SLC24A2: variants seen among roughly 807,000 people sequenced by gnomAD.
SLC24A2 encodes the protein sodium/potassium/calcium exchanger 2.
SLC24A2 carries 36 observed loss-of-function variants against 62.0 expected under a neutral mutation model. The ratio of observed to expected loss-of-function variants is 0.58; its 90% CI spans 0.44 to 0.77. SLC24A2 has a LOEUF of 0.77. Ranked by LOEUF, SLC24A2 falls within the 30% of genes least tolerant of loss-of-function variation. SLC24A2 has a pLI of 0.00. For missense variants in SLC24A2, 846 were observed against 817.9 expected, an observed-to-expected ratio of 1.03 and a Z score of -0.42; for synonymous variants, 358 against 294.0, an observed-to-expected ratio of 1.22 and a Z score of -2.23.
At chr9:19,780,041 C>T (rs1451090114) in intron 2 of SLC24A2, among the ~76,000 whole-genome samples, 4 of 151,986 alleles carry the variant, frequency 2.6e-5, no homozygotes, top group Admixed American at 1.3e-4. Context: ...CCAGCCAGGG[C>T]GACAGAGCGA....
the SLC24A2 span, among the ~76,000 whole-genome samples, chr9:20,289,299 C>T: frequency 6.6e-6 from 1 of 152,184 alleles, no homozygotes; most frequent in African/African-American, 2.4e-5. Context: ...GCTTCTTGCA[C>T]TCTTTCATTT....
At chr9:19,697,024 G>A (rs1194213614) in intron 2 of SLC24A2, among the ~76,000 whole-genome samples, 1 of 151,810 alleles carries the variant, frequency 6.6e-6, no homozygotes, top group African/African-American at 2.4e-5. Flanking sequence ...CTAAGCATTG[G>A]GGTAAATTTT....
chr9:19,980,564 A>T, the SLC24A2 span, among the ~76,000 whole-genome samples: 4 of 148,254 alleles, frequency 2.7e-5, no homozygotes, highest in African/African-American at 5.3e-5. Context: ...TTTTACTCAA[A>T]TTCCCACCAA....
At chr9:20,156,028 C>T in the SLC24A2 span, among the ~76,000 whole-genome samples, 1 of 151,764 alleles carries the variant, frequency 6.6e-6, no homozygotes, top group African/African-American at 2.4e-5. Flanking sequence ...TATTACTCTA[C>T]CTGTGTAGTG....
At chr9:19,577,123 C>T (rs375904790) in intron 5 of SLC24A2, 101 bp from the exon 6 acceptor site, 40 of 876,544 alleles carry the variant, frequency 4.6e-5, no homozygotes, top group Non-Finnish European at 6.7e-5. Flanking sequence ...GCACTAATAG[C>T]GTGACCACTC....
intron 2 of SLC24A2, among the ~76,000 whole-genome samples, chr9:19,627,541 C>T (rs1036659753): frequency 9.9e-5 from 15 of 152,102 alleles, no homozygotes; most frequent in Non-Finnish European, 5.9e-5. Flanking sequence ...ATACCATTAT[C>T]AGATAGAGGC....
the SLC24A2 span, among the ~76,000 whole-genome samples, chr9:19,953,784 G>T: frequency 6.6e-6 from 1 of 151,970 alleles, no homozygotes; most frequent in Non-Finnish European, 1.5e-5. Context: ...CTCACATACT[G>T]CCTATTTGTT....
chr9:20,016,624 T>C, the SLC24A2 span, among the ~76,000 whole-genome samples: 1 of 152,252 alleles, frequency 6.6e-6, no homozygotes, highest in Non-Finnish European at 1.5e-5. Context: ...ACTAAAGCTG[T>C]GTAAATATTT....
At chr9:19,609,453 G>A (rs1158591470) in intron 4 of SLC24A2, among the ~76,000 whole-genome samples, 1 of 152,240 alleles carries the variant, frequency 6.6e-6, no homozygotes, top group African/African-American at 2.4e-5. Flanking sequence ...TGCTCTTGAT[G>A]ATGCTTTTTT....
At chr9:19,794,704 C>T in the SLC24A2 span, among the ~76,000 whole-genome samples, 1 of 152,028 alleles carries the variant, frequency 6.6e-6, no homozygotes, top group African/African-American at 2.4e-5. Context: ...CCTACCGATG[C>T]CAGCAGGGAC....
the SLC24A2 span, among the ~76,000 whole-genome samples, chr9:20,066,083 A>G: frequency 1.3e-5 from 2 of 152,216 alleles, no homozygotes; most frequent in South Asian, 4.1e-4. Context: ...CTTAGGGAAG[A>G]AACCTGATCC....
chr9:19,560,950 G>A (rs940126981), intron 7 of SLC24A2, among the ~76,000 whole-genome samples: 1 of 146,472 alleles, frequency 6.8e-6, no homozygotes. Flanking sequence ...GAGAGAGACA[G>A]AGTCTTACTC....
chr9:19,585,163 T>C (rs559887285), intron 5 of SLC24A2, among the ~76,000 whole-genome samples: 47 of 152,318 alleles, frequency 3.1e-4, no homozygotes, highest in African/African-American at 1.0e-3. Context: ...AGACTTTTTT[T>C]CCTCATTTCC....
intron 7 of SLC24A2, among the ~76,000 whole-genome samples, chr9:19,571,098 G>T (rs2132838215): frequency 6.6e-6 from 1 of 152,284 alleles, no homozygotes; most frequent in East Asian, 1.9e-4. Flanking sequence ...TGGGGATGAG[G>T]CTGCCCTCTG....
At chr9:20,086,766 G>A in the SLC24A2 span, among the ~76,000 whole-genome samples, 3 of 152,172 alleles carry the variant, frequency 2.0e-5, no homozygotes, top group South Asian at 2.1e-4. Flanking sequence ...AGCTATTTGA[G>A]AAAATTATTA....
the SLC24A2 span, among the ~76,000 whole-genome samples, chr9:19,911,331 G>C: frequency 6.6e-6 from 1 of 151,996 alleles, no homozygotes; most frequent in South Asian, 2.1e-4. Context: ...TGGACATTTG[G>C]GTTGGTTCCA....
intron 2 of SLC24A2, among the ~76,000 whole-genome samples, chr9:19,667,473 C>G (rs1218687742): frequency 1.3e-5 from 2 of 152,168 alleles, no homozygotes; most frequent in African/African-American, 2.4e-5. Flanking sequence ...CCAATTACTG[C>G]TTCAGCTCCT....
At chr9:20,056,230 A>G in the SLC24A2 span, among the ~76,000 whole-genome samples, 2 of 152,200 alleles carry the variant, frequency 1.3e-5, no homozygotes, top group Admixed American at 1.3e-4. Flanking sequence ...GTGTGTGTGT[A>G]CATGTATATA....
chr9:20,146,827 C>A, the SLC24A2 span, among the ~76,000 whole-genome samples: 2 of 152,078 alleles, frequency 1.3e-5, no homozygotes, highest in Non-Finnish European at 2.9e-5. Flanking sequence ...GGGACAGTGG[C>A]AGAGTGGGCA....
Sources: allele counts gnomAD v4.1 joint callset (sites outside exome capture counted in the v4.1 genomes callset), GRCh38; gene constraint gnomAD v4.1.1; transcripts MANE v1.5; gene names NCBI Gene and HGNC (gene_info 2026-07-23, HGNC 2026-07-21).